ARHGAP42: variants seen among roughly 807,000 people sequenced by gnomAD.
The protein encoded by ARHGAP42 is rho GTPase-activating protein 42.
ARHGAP42 carries 63 observed loss-of-function variants against 125.0 expected under a neutral mutation model. That is an observed-to-expected ratio of 0.50 (90% CI 0.41 to 0.62). ARHGAP42 has a LOEUF of 0.62. Among genes scored for constraint, ARHGAP42 ranks in the 20% least tolerant of loss-of-function variants. ARHGAP42 has a pLI of 0.00. For missense variants in ARHGAP42, 766 were observed against 1,024.2 expected (o/e 0.75, Z 3.44); for synonymous variants, 339 against 351.0 (o/e 0.97, Z 0.38).
intron 3 of ARHGAP42, among the ~76,000 whole-genome samples, chr11:100,829,676 G>A (rs181205255): frequency 6.6e-6 from 1 of 152,084 alleles, no homozygotes; most frequent in Non-Finnish European, 1.5e-5. Flanking sequence ...TTCAATTTTG[G>A]CATTTTCCAA....
At chr11:100,877,398 G>A (rs1249495203) in intron 4 of ARHGAP42, among the ~76,000 whole-genome samples, 1 of 152,186 alleles carries the variant, frequency 6.6e-6, no homozygotes, top group African/African-American at 2.4e-5. Flanking sequence ...GTGGCCATGT[G>A]TGCTTTACTA....
intron 8 of ARHGAP42, among the ~76,000 whole-genome samples, chr11:100,939,238 C>T (rs1273440790): frequency 6.6e-6 from 1 of 152,046 alleles, no homozygotes; most frequent in Non-Finnish European, 1.5e-5. Flanking sequence ...CAATAGTTTT[C>T]TGAGCTCAGT....
intron 1 of ARHGAP42, among the ~76,000 whole-genome samples, chr11:100,752,463 A>G (rs926643004): frequency 7.9e-5 from 12 of 152,128 alleles, no homozygotes; most frequent in Non-Finnish European, 1.5e-4. Flanking sequence ...ATTCTTTTGT[A>G]CTACTGGCTG....
chr11:100,899,799 G>T (rs535172573), intron 4 of ARHGAP42, among the ~76,000 whole-genome samples: 29 of 142,362 alleles, frequency 2.0e-4, no homozygotes, highest in African/African-American at 7.4e-4. Flanking sequence ...GCCAGTGTAT[G>T]TCTTTACATG....
chr11:100,984,165 A>C (rs1224952048), intron 22 of ARHGAP42, among the ~76,000 whole-genome samples: 1 of 151,936 alleles, frequency 6.6e-6, no homozygotes, highest in African/African-American at 2.4e-5. Flanking sequence ...ATTAGTGCCA[A>C]AGGAACAAAT....
intron 3 of ARHGAP42, among the ~76,000 whole-genome samples, chr11:100,817,765 C>A (rs909558568): frequency 7.2e-5 from 11 of 152,124 alleles, no homozygotes; most frequent in African/African-American, 2.2e-4. Flanking sequence ...CCCATTAATG[C>A]CTATAGGTGG....
In ARHGAP42 at chr11:100,936,261, A is replaced by C. The variant is rs1188548254; in HGVS notation, c.761A>C (p.Lys254Thr). ...QEVERLMQRM[K>T]SANQDYRPPS... The stretch of plus-strand genomic sequence containing the variant: ...GTAGAGCGGTTGATGCAAAGGATGA[A>C]ATCTGCTAACCAGGACTACAGACCA... The change falls in exon 8 of 24, where the codon AAA becomes ACA. Residue 254 changes from lysine (K) to threonine (T), a missense_variant. Physicochemically the swap from Lys to Thr is moderately conservative, Grantham distance 78. Coordinates refer to ENST00000298815, the MANE Select transcript of ARHGAP42 (RefSeq NM_152432.4). 6.4e-6 allele frequency: 10 copies of C among 1,551,570 alleles called. No individual in the cohort carries two copies. The highest frequency in any genetic ancestry group is 3.9e-5 in the Admixed American group (2 of 50,968).
At chr11:100,904,439 G>A (rs1311575035) in intron 4 of ARHGAP42, among the ~76,000 whole-genome samples, 1 of 152,038 alleles carries the variant, frequency 6.6e-6, no homozygotes, top group African/African-American at 2.4e-5. Flanking sequence ...TAGAGACGGG[G>A]TTTTGCCATG....
At chr11:100,917,971 C>T (rs973585582) in intron 5 of ARHGAP42, among the ~76,000 whole-genome samples, 2 of 152,140 alleles carry the variant, frequency 1.3e-5, no homozygotes, top group African/African-American at 4.8e-5. Context: ...CACCAGACAC[C>T]TTCACCATTA....
chr11:100,841,851 C>T (rs1169066103), intron 3 of ARHGAP42, among the ~76,000 whole-genome samples: 7 of 152,120 alleles, frequency 4.6e-5, no homozygotes. Flanking sequence ...TTCAGTGCCC[C>T]CTACTGCCGT....
intron 4 of ARHGAP42, among the ~76,000 whole-genome samples, chr11:100,875,135 G>C (rs1217046523): frequency 1.6e-5 from 2 of 121,700 alleles, no homozygotes; most frequent in African/African-American, 6.3e-5. Context: ...GTGTGTGTGT[G>C]TGTGTGTGTG....
At chr11:100,751,589 G>C (rs1052432301) in intron 1 of ARHGAP42, among the ~76,000 whole-genome samples, 1 of 151,618 alleles carries the variant, frequency 6.6e-6, no homozygotes, top group Non-Finnish European at 1.5e-5. Context: ...AATACCCAGT[G>C]GTGGATGGAG....
chr11:100,911,207 T>C (rs1037831069), intron 4 of ARHGAP42, among the ~76,000 whole-genome samples: 1 of 152,216 alleles, frequency 6.6e-6, no homozygotes, highest in Admixed American at 6.5e-5. Context: ...GTACCATGGA[T>C]AACAGTTTGT....
rs77396898 is a variant in ARHGAP42 at position 100,708,890 on chromosome 11, A to G, written c.154+21058A>G. Among the ~76,000 whole-genome samples the G allele has an allele frequency of 5.3e-3, 802 of 152,338 alleles. 2 individuals are homozygous for G. Among genetic ancestry groups the G allele is most frequent in the Admixed American group, 7.6e-3 (116 of 15,306 alleles). On this transcript the variant is annotated intron_variant, in intron 1 of 23. Coordinates refer to ENST00000298815, the MANE Select transcript of ARHGAP42 (RefSeq NM_152432.4). ...TTTAATTTATAAATTAGGCATAGTG[A>G]GAGATTAACAACAATAATCATAAAA...
chr11:100,854,200 GA>G (rs1165715887), intron 3 of ARHGAP42, among the ~76,000 whole-genome samples: 1 of 152,056 alleles, frequency 6.6e-6, no homozygotes, highest in Non-Finnish European at 1.5e-5. Flanking sequence ...CTTATCTTCT[GA>G]AAAAGAAGAG....
chr11:100,847,372 C>T lies in ARHGAP42; in HGVS notation c.313-12182C>T, dbSNP rs1262980538. 7.2e-5 allele frequency among the ~76,000 whole-genome samples: 11 copies of T among 152,196 alleles called. No individual in the cohort carries two copies. The South Asian group carries it at 1.9e-3, about 26-fold the overall frequency. On this transcript the variant is annotated intron_variant, in intron 3 of 23. Coordinates refer to ENST00000298815, the MANE Select transcript of ARHGAP42 (RefSeq NM_152432.4). ...AGGACTGTCAAATGCATCTGCCATG[C>T]GCATGGTAGAAATCAAGGCTTTCTC...
chr11:100,699,329 C>G (rs61621482), intron 1 of ARHGAP42, among the ~76,000 whole-genome samples: 33,121 of 151,200 alleles, frequency 0.22, 3,841 homozygotes, highest in Non-Finnish European at 0.25. Flanking sequence ...CCTTCTAACT[C>G]TTCCCATTTT....
intron 1 of ARHGAP42, among the ~76,000 whole-genome samples, chr11:100,757,945 T>C (rs962421529): frequency 6.6e-6 from 1 of 152,216 alleles, no homozygotes; most frequent in Non-Finnish European, 1.5e-5. Context: ...CCATCCGTTA[T>C]AAAATATTTC....
rs541666864 is a variant in ARHGAP42, at chr11:100,699,139, G to A, written c.154+11307G>A. On this transcript the variant is annotated intron_variant, in intron 1 of 23. Transcript: ENST00000298815. ...CCTGACCTCATTTTCCTAAACTTTG[G>A]GCCCGATTTTTACCAGCCCAGGGGA... Among the ~76,000 whole-genome samples, 19 of 151,912 alleles carry A rather than the reference G, an allele frequency of 1.3e-4. No individual in the cohort carries two copies. In the South Asian group the frequency reaches 2.9e-3, roughly 23 times the overall value.
Sources: gnomAD v4.1 joint callset for allele counts (sites outside exome capture counted in the v4.1 genomes callset) on GRCh38, gnomAD v4.1.1 for gene constraint, MANE v1.5 for transcripts, NCBI Gene and HGNC (gene_info 2026-07-23, HGNC 2026-07-21) for gene names.